Variants in CDC16 observed in about 807,000 individuals in gnomAD.
The protein encoded by CDC16 is cell division cycle 16.
CDC16 carries 34 observed loss-of-function variants against 87.0 expected under a neutral mutation model. The ratio of observed to expected loss-of-function variants is 0.39; its 90% confidence interval spans 0.30 to 0.52. The LOEUF (loss-of-function observed/expected upper bound fraction) is 0.52, where lower values mean the gene tolerates loss of function less well. CDC16 is among the 20% of genes least tolerant of loss of function. CDC16 has a pLI of 0.74. For synonymous variants in CDC16, 263 were observed against 260.6 expected (o/e 1.01, Z -0.09); for missense variants, 653 against 751.9 (o/e 0.87, Z 1.54).
chr13:114,238,883 A>G, intron 3 of CDC16, 107 bp from the exon 4 acceptor site: 1 of 1,405,410 alleles, frequency 7.1e-7, no homozygotes, highest in Non-Finnish European at 9.6e-7. Flanking sequence ...TGCAAGAGTA[A>G]AAGGAGAAAT....
intron 10 of CDC16, 33 bp from the exon 11 acceptor site, chr13:114,246,898 A>G (rs1232079542): frequency 1.4e-6 from 2 of 1,385,856 alleles, no homozygotes; most frequent in Admixed American, 1.7e-5. Context: ...TCCAATTCCA[A>G]TCTTTGTTTA....
chr13:114,257,261 T>C, intron 13 of CDC16, 31 bp downstream of exon 13: 1 of 1,536,832 alleles, frequency 6.5e-7, no homozygotes, highest in Non-Finnish European at 8.9e-7. Context: ...AACCCTTCTG[T>C]TAACTAGTGA....
chr13:114,246,826 G>C, intron 10 of CDC16, 105 bp from the exon 11 acceptor site: 1 of 748,992 alleles, frequency 1.3e-6, no homozygotes, highest in South Asian at 1.5e-5. Flanking sequence ...TAGAATATGT[G>C]ATAAGGAACA....
intron 9 of CDC16, 55 bp downstream of exon 9, chr13:114,245,024 G>A (rs1296681593): frequency 2.8e-6 from 3 of 1,067,902 alleles, no homozygotes; most frequent in East Asian, 2.5e-5. Context: ...AATCTTTTCT[G>A]TAACTTGAAA....
At chr13:114,268,233 A>G (rs1203564753) in intron 17 of CDC16, among the ~76,000 whole-genome samples, 4 of 152,230 alleles carry the variant, frequency 2.6e-5, no homozygotes, top group Non-Finnish European at 5.9e-5. Context: ...GGAAAAGGGA[A>G]AAAGAAATGA....
intron 13 of CDC16, among the ~76,000 whole-genome samples, chr13:114,258,359 G>A (rs1010771815): frequency 6.6e-6 from 1 of 152,202 alleles, no homozygotes; most frequent in African/African-American, 2.4e-5. Context: ...TCCAGCTGGA[G>A]TCTAAGAAGG....
chr13:114,265,740 TAAG>T (rs1422867961), intron 17 of CDC16, among the ~76,000 whole-genome samples: 2 of 152,238 alleles, frequency 1.3e-5, no homozygotes, highest in Non-Finnish European at 2.9e-5. Context: ...CATTATGTGA[TAAG>T]GAGGATGTGG....
chr13:114,245,272 T>C (rs9314906), intron 9 of CDC16, among the ~76,000 whole-genome samples: 32,897 of 135,436 alleles, frequency 0.24, 5,062 homozygotes, highest in African/African-American at 0.49. Context: ...TCCCCCCCCC[T>C]TTTTTTTTTT....
chr13:114,236,074 G>GC (rs2081234674), intron 1 of CDC16, among the ~76,000 whole-genome samples: 1 of 152,216 alleles, frequency 6.6e-6, no homozygotes, highest in Non-Finnish European at 1.5e-5. Flanking sequence ...TCTAAAGCTA[G>GC]CCGTAGGTCA....
In CDC16 at chr13:114,245,029, T is replaced by G. The variant is rs371634843; in HGVS notation, c.847+60T>G. On this transcript the variant is annotated intron_variant, in intron 9 of 17. Transcript: ENST00000356221. ...ACATAAAACAAATCTTTTCTGTAAC[T>G]TGAAATTTTGTCTCTGAAATTCTGG... 6.0e-6 allele frequency: 6 copies of G among 1,000,232 alleles called. No individual in the cohort carries two copies. The East Asian group carries it at 1.0e-4, about 17-fold the overall frequency. The allele number at this position is 1,000,232 out of a possible 1,614,324, so 62.0% of individuals were successfully genotyped here.
chr13:114,257,621 T>C (rs1010719731), intron 13 of CDC16, among the ~76,000 whole-genome samples: 16 of 152,202 alleles, frequency 1.1e-4, no homozygotes, highest in African/African-American at 2.4e-5. Flanking sequence ...TAGTTACTAG[T>C]AAGTCAGAAA....
In CDC16 at chr13:114,272,705, A is replaced by G; in HGVS notation, c.*262A>G. 3.1e-6 allele frequency: 1 copy of G among 323,452 alleles called. No homozygotes were observed. 20.0% of individuals were successfully genotyped at this position (323,452 alleles called of 1,614,324 possible). A position where few individuals can be genotyped will look rare whatever the true frequency, so the allele number is the denominator to read the frequency against. ...ATGTCTTTTTTTTTCTTTTCCAATA[A>G]ACTTTTATTTTGGACTAATTTTTGA... On this transcript the variant is annotated 3_prime_UTR_variant, in exon 18 of 18. Transcript: ENST00000356221.
chr13:114,235,010 CG>C lies in CDC16; in HGVS notation c.-71del. On this transcript the variant is annotated 5_prime_UTR_variant, in exon 1 of 18. Transcript: ENST00000356221. ...GCGGCTGCAGGCACGGGCACGGGCACGGGGCGGGGTGCTTAGGGTGCAGGAG... is the reference window on the plus strand; with the variant it reads ...GCGGCTGCAGGCACGGGCACGGGCACGGGCGGGGTGCTTAGGGTGCAGGAG... 8.6e-7 allele frequency: 1 copy of C among 1,167,026 alleles called. No individual in the cohort carries two copies. Among genetic ancestry groups the C allele is most frequent in the Non-Finnish European group, 1.1e-6 (1 of 924,978 alleles). The allele number at this position is 1,167,026 out of a possible 1,614,324, so 72.3% of individuals were successfully genotyped here.
chr13:114,244,824 A>G, intron 8 of CDC16, 66 bp from the exon 9 acceptor site: 1 of 924,878 alleles, frequency 1.1e-6, no homozygotes, highest in Non-Finnish European at 1.8e-6. Flanking sequence ...GTCTACACAT[A>G]GCCGATCGTC....
At chr13:114,248,000 TTTA>T (rs2081965011) in intron 11 of CDC16, among the ~76,000 whole-genome samples, 2 of 152,240 alleles carry the variant, frequency 1.3e-5, no homozygotes, top group Non-Finnish European at 2.9e-5. Context: ...TAGGATTTCT[TTTA>T]TTAATAGTTG....
At chr13:114,266,986 A>G (rs940606122) in intron 17 of CDC16, among the ~76,000 whole-genome samples, 1 of 151,860 alleles carries the variant, frequency 6.6e-6, no homozygotes, top group Admixed American at 6.6e-5. Flanking sequence ...GTGAGCCACC[A>G]TGTCTGGCCA....
chr13:114,272,118 TATAA>T (rs2083723226), intron 17 of CDC16, 62 bp from the exon 18 acceptor site: 10 of 891,182 alleles, frequency 1.1e-5, no homozygotes, highest in Non-Finnish European at 1.5e-5. Flanking sequence ...GATGGTGTTA[TATAA>T]CAATAGAAAT....
chr13:114,239,813 A>G (rs2081453368), intron 5 of CDC16, among the ~76,000 whole-genome samples: 1 of 152,150 alleles, frequency 6.6e-6, no homozygotes, highest in South Asian at 2.1e-4. Context: ...TTGGACCTAC[A>G]CCAAGAAACT....
intron 3 of CDC16, 45 bp from the exon 4 acceptor site, chr13:114,238,945 C>T: frequency 6.3e-7 from 1 of 1,575,252 alleles, no homozygotes; most frequent in African/African-American, 1.4e-5. Context: ...AGTGAAGATA[C>T]ATATTATTTT....
Sources: gnomAD v4.1 joint callset for allele counts (sites outside exome capture counted in the v4.1 genomes callset) on GRCh38, gnomAD v4.1.1 for gene constraint, MANE v1.5 for transcripts, NCBI Gene and HGNC (gene_info 2026-07-23, HGNC 2026-07-21) for gene names.